The following PRPF8 variants were observed in gnomAD, a reference collection of about 807,000 sequenced individuals.
The protein encoded by PRPF8 is pre-mRNA processing factor 8, also known as pre-mRNA-processing-splicing factor 8.
Under a neutral mutation model 285.9 loss-of-function variants are expected in PRPF8, and 64 were observed. That is an observed-to-expected ratio of 0.22 (90% CI 0.18 to 0.28). The LOEUF (loss-of-function observed/expected upper bound fraction) is 0.28. Among genes scored for constraint, PRPF8 ranks in the 10% least tolerant of loss-of-function variants. PRPF8 has a pLI of 1.00. For missense variants in PRPF8, 1,426 were observed against 3,026.7 expected, an observed-to-expected ratio of 0.47 and a Z score of 12.41; for synonymous variants, 1,325 against 1,118.2, an observed-to-expected ratio of 1.18 and a Z score of -3.69.
rs1912443682 is a variant in PRPF8, at chr17:1,673,560, C to G, written c.3454G>C (p.Ala1152Pro). 1 of 1,613,974 alleles carries G rather than the reference C, an allele frequency of 6.2e-7. No individual in the cohort carries two copies. Among genetic ancestry groups the G allele is most frequent in the Non-Finnish European group, 8.5e-7 (1 of 1,180,032 alleles). ...LMKHDVNLGR[A>P]VFWDIKNRLP... Reference sequence around the variant, plus strand: ...CGGTTCTTGATGTCCCAGAATACCGCCCGGCCTCTGCCCACAGAGAACACA... The same window carrying G: ...CGGTTCTTGATGTCCCAGAATACCGGCCGGCCTCTGCCCACAGAGAACACA... The change falls in exon 23 of 43, where the codon GCG becomes CCG. Residue 1152 changes from alanine to proline, a missense_variant. Ala to Pro is a conservative substitution (Grantham distance 27). Coordinates refer to ENST00000304992, the MANE Select transcript of PRPF8 (RefSeq NM_006445.4). The surrounding 1 kb of genome is among the most constrained non-coding windows in gnomAD (Gnocchi z 5.5).
At chr17:1,680,211 A>G (rs550606542) in intron 8 of PRPF8, among the ~76,000 whole-genome samples, 1 of 152,354 alleles carries the variant, frequency 6.6e-6, no homozygotes, top group African/African-American at 2.4e-5. Context: ...TCATTCTATC[A>G]TATGAAATGT....
chr17:1,656,365 G>A, intron 36 of PRPF8, 27 bp downstream of exon 36: 1 of 1,614,012 alleles, frequency 6.2e-7, no homozygotes, highest in Non-Finnish European at 8.5e-7. Context: ...TCCTCCTCCA[G>A]CGATCTTCTC....
chr17:1,661,484 T>C lies in PRPF8; in HGVS notation c.4203-78A>G, dbSNP rs1911674417. 3 of 1,610,996 alleles carry C rather than the reference T, an allele frequency of 1.9e-6. No individual in the cohort carries two copies. In the East Asian group the frequency reaches 6.7e-5, roughly 36 times the overall value. On this transcript the variant is annotated intron_variant, in intron 26 of 42. Coordinates refer to ENST00000304992, the MANE Select transcript of PRPF8 (RefSeq NM_006445.4). This position sits in a 1 kb window ranked among gnomAD's most constrained non-coding sequence, Gnocchi z 7.3. ...AGCACTCCTTCCTGGCCAAAAATAA[T>C]TAGGGTCAGTAGAACCAGCCTTCTC...
Position 1,678,882 on chromosome 17 carries a change from C to T in PRPF8, c.1600-1G>A. 6.2e-7 allele frequency: 1 copy of T among 1,614,112 alleles called. No individual in the cohort carries two copies. The highest frequency in any genetic ancestry group is 8.5e-7 in the Non-Finnish European group (1 of 1,180,026). ...TCCCAAAACGAGATTTCTTTCTTTC[C>T]TGGAGAAGATGCAAAAAACAGACAG... On this transcript the variant is annotated splice_acceptor_variant, in intron 11 of 42. Coordinates refer to ENST00000304992, the MANE Select transcript of PRPF8 (RefSeq NM_006445.4). LOFTEE classifies it high-confidence loss of function.
intron 24 of PRPF8, among the ~76,000 whole-genome samples, chr17:1,662,569 A>G (rs1911724203): frequency 2.0e-5 from 3 of 150,590 alleles, no homozygotes; most frequent in Admixed American, 1.3e-4. Flanking sequence ...AGCCTGGGCA[A>G]CACAGCGAGA....
chr17:1,662,703 A>C (rs1297289706), intron 24 of PRPF8, among the ~76,000 whole-genome samples: 10 of 151,828 alleles, frequency 6.6e-5, no homozygotes, highest in Non-Finnish European at 1.5e-4. Context: ...GGAGTTCAAG[A>C]CCAGCCTGGC....
intron 3 of PRPF8, among the ~76,000 whole-genome samples, 187 bp from the exon 4 acceptor site, chr17:1,682,480 C>G (rs1402348829): frequency 1.3e-5 from 2 of 152,198 alleles, no homozygotes; most frequent in Non-Finnish European, 2.9e-5. Flanking sequence ...TTGCACCACT[C>G]TTCTTAAACG....
rs1226107929 is a variant in PRPF8, at chr17:1,677,557, C to A, written c.1984+8G>T. The A allele has an allele frequency of 6.2e-7, 1 of 1,613,842 alleles. No individual in the cohort carries two copies. The highest frequency in any genetic ancestry group is 1.7e-5 in the Admixed American group (1 of 59,950). ...CAGGAGAAGTTGGACACAGAGAAAA[C>A]CACTCACCTTCAAACTGCCGGGCCA... On this transcript the variant is annotated splice_region_variant and intron_variant, in intron 14 of 42. Coordinates refer to ENST00000304992, the MANE Select transcript of PRPF8 (RefSeq NM_006445.4).
rs1912507793 is a variant in PRPF8, at chr17:1,674,439, C to T, written c.3299+3G>A. 4 of 1,613,764 alleles carry T rather than the reference C, an allele frequency of 2.5e-6. No homozygotes were observed. In the East Asian group the frequency reaches 8.9e-5, roughly 36 times the overall value. ...AAGGCTAGGAATCCAGGAAAGCCCT[C>T]ACCTGAAAAAAATATGGATGCGATC... On this transcript the variant is annotated splice_donor_region_variant and intron_variant, in intron 21 of 42. Transcript: ENST00000304992.
chr17:1,650,715 A>C lies in PRPF8; in HGVS notation c.*87T>G, dbSNP rs11559302. 2 of 1,511,002 alleles carry C rather than the reference A, an allele frequency of 1.3e-6. No homozygotes were observed. Among genetic ancestry groups the C allele is most frequent in the South Asian group, 1.1e-5 (1 of 88,892 alleles). The allele number at this position is 1,511,002 out of a possible 1,614,324, so 93.6% of individuals were successfully genotyped here. ...ACAACACAAGCACAGACAGAGGGAA[A>C]GAGGCCAAACTGCTGAATGTCAGCG... On this transcript the variant is annotated 3_prime_UTR_variant, in exon 43 of 43. Transcript: ENST00000304992.
At chr17:1,670,015 T>A (rs544272002) in intron 24 of PRPF8, among the ~76,000 whole-genome samples, 1 of 152,208 alleles carries the variant, frequency 6.6e-6, no homozygotes, top group Non-Finnish European at 1.5e-5. Flanking sequence ...AAGCTATCCC[T>A]GACTGCTCTT....
chr17:1,673,260 G>A lies in PRPF8; in HGVS notation c.3658-63C>T. 2 of 1,604,212 alleles carry A rather than the reference G, an allele frequency of 1.2e-6. No homozygotes were observed. The highest frequency in any genetic ancestry group is 1.1e-5 in the South Asian group (1 of 90,862). ...TCCCACAGAAGCAAGAGCCAACTGT[G>A]CCCACCACTCAAGTCTTTCCACCCA... is the stretch of plus-strand genomic sequence containing the variant. On this transcript the variant is annotated intron_variant, in intron 23 of 42. Coordinates refer to ENST00000304992, the MANE Select transcript of PRPF8 (RefSeq NM_006445.4). The surrounding 1 kb of genome is among the most constrained non-coding windows in gnomAD (Gnocchi z 5.5).
At chr17:1,677,506 A>G in intron 14 of PRPF8, 59 bp downstream of exon 14, 2 of 1,612,890 alleles carry the variant, frequency 1.2e-6, no homozygotes, top group South Asian at 1.1e-5. Flanking sequence ...AGACTCAAAC[A>G]GGGGCAGGTA....
intron 11 of PRPF8, 38 bp from the exon 12 acceptor site, chr17:1,678,919 G>A (rs1484731440): frequency 6.2e-7 from 1 of 1,613,904 alleles, no homozygotes. Context: ...ACGTGAATGA[G>A]CAATGGACCC....
intron 24 of PRPF8, among the ~76,000 whole-genome samples, chr17:1,668,564 G>T (rs1288742903): frequency 6.6e-6 from 1 of 151,470 alleles, no homozygotes; most frequent in African/African-American, 2.4e-5. Context: ...GGGTTTCACC[G>T]CGTTAGCCAG....
rs1395775032 is a variant in PRPF8 at position 1,677,001 on chromosome 17, C to A, written c.2156G>T (p.Cys719Phe). 2 of 1,614,028 alleles carry A rather than the reference C, an allele frequency of 1.2e-6. No individual in the cohort carries two copies. The highest frequency in any genetic ancestry group is 1.7e-6 in the Non-Finnish European group (2 of 1,180,032). Residue 719 changes from cysteine (C) to phenylalanine (F), a missense_variant, in exon 15 of 43, where the codon TGC becomes TTC. Coordinates refer to ENST00000304992, the MANE Select transcript of PRPF8 (RefSeq NM_006445.4). ...ILQHLSEAWR[C>F]WKANIPWKVP... The stretch of plus-strand genomic sequence containing the variant: ...CTTCCAGGGAATGTTGGCTTTCCAG[C>A]AGCGCCAGGCTTCACTGAGGTGCTG...
In PRPF8 at chr17:1,678,715, C is replaced by T. The variant is rs1281129980; in HGVS notation, c.1719+47G>A. ...CCAGCTCCACGGTCAGCACAGGCTT[C>T]CTCCAGCGTCCTCACCCAGGCAGGG... On this transcript the variant is annotated intron_variant, in intron 12 of 42. Coordinates refer to ENST00000304992, the MANE Select transcript of PRPF8 (RefSeq NM_006445.4). The T allele has an allele frequency of 3.1e-6, 5 of 1,614,012 alleles. No homozygotes were observed. The African/African-American group carries it at 5.3e-5, about 17-fold the overall frequency.
chr17:1,683,440 G>C, intron 3 of PRPF8, 93 bp downstream of exon 3: 2 of 1,374,292 alleles, frequency 1.5e-6, no homozygotes, highest in Non-Finnish European at 1.0e-6. Flanking sequence ...TATCCACCAA[G>C]ATGAGCTGTC....
At chr17:1,654,939 A>T (rs1225083765) in intron 37 of PRPF8, 1 of 228,894 alleles carries the variant, frequency 4.4e-6, no homozygotes, top group Admixed American at 5.2e-5. Context: ...CTAAGACAAG[A>T]TAATTTCTTG....
Sources: allele counts gnomAD v4.1 joint callset (sites outside exome capture counted in the v4.1 genomes callset), GRCh38; gene constraint gnomAD v4.1.1; non-coding constraint Gnocchi (gnomAD v3.1); transcripts MANE v1.5; gene names NCBI Gene and HGNC (gene_info 2026-07-23, HGNC 2026-07-21).